Variants in MPPED2 observed in about 807,000 individuals in gnomAD.
MPPED2 encodes the protein metallophosphoesterase MPPED2.
In MPPED2, 5 loss-of-function variants were observed where a neutral mutation model predicts 33.0. That is an observed-to-expected ratio of 0.15 (90% CI 0.08 to 0.32). MPPED2 has a LOEUF of 0.32. MPPED2 is among the 10% of genes least tolerant of loss of function. The pLI is 1.00. For synonymous variants in MPPED2, 136 were observed against 141.9 expected, an observed-to-expected ratio of 0.96 and a Z score of 0.29; for missense variants, 275 against 372.1, an observed-to-expected ratio of 0.74 and a Z score of 2.15.
intron 2 of MPPED2, among the ~76,000 whole-genome samples, chr11:30,566,917 G>T (rs1956467529): frequency 6.6e-6 from 1 of 152,094 alleles, no homozygotes; most frequent in Admixed American, 6.6e-5. Context: ...AAGGACAGGG[G>T]CTCCCTAAAA....
chr11:30,413,676 A>G (rs963208624), intron 6 of MPPED2, among the ~76,000 whole-genome samples: 2 of 152,242 alleles, frequency 1.3e-5, no homozygotes, highest in African/African-American at 4.8e-5. Context: ...TTCTGAGGTT[A>G]GTAAGGAAAA....
chr11:30,577,768 C>T (rs1956992113), intron 2 of MPPED2, among the ~76,000 whole-genome samples: 1 of 152,176 alleles, frequency 6.6e-6, no homozygotes, highest in Non-Finnish European at 1.5e-5. Context: ...GTAAGCCAGC[C>T]TCCTGACAAC....
exon 7 of MPPED2, chr11:30,388,873 G>T: frequency 6.5e-7 from 1 of 1,548,116 alleles, no homozygotes; most frequent in Admixed American, 2.0e-5. Context: ...TTGTGTCTAT[G>T]CCAGTTTCCT....
intron 3 of MPPED2, among the ~76,000 whole-genome samples, chr11:30,497,654 C>T (rs1248736887): frequency 1.3e-5 from 2 of 151,634 alleles, no homozygotes; most frequent in African/African-American, 4.9e-5. Context: ...TGAGACTAGC[C>T]ACTATGGCAA....
At chr11:30,508,187 CTCTG>C (rs1952944730) in intron 3 of MPPED2, among the ~76,000 whole-genome samples, 1 of 152,174 alleles carries the variant, frequency 6.6e-6, no homozygotes, top group Non-Finnish European at 1.5e-5. Flanking sequence ...GGAGAGCATA[CTCTG>C]TCTGCTGAAC....
At chr11:30,450,331 C>G (rs1950003751) in intron 4 of MPPED2, among the ~76,000 whole-genome samples, 1 of 152,178 alleles carries the variant, frequency 6.6e-6, no homozygotes, top group Non-Finnish European at 1.5e-5. Context: ...ATAATAAAGA[C>G]AACAACTAAA....
intron 3 of MPPED2, among the ~76,000 whole-genome samples, chr11:30,516,905 C>A (rs1260233764): frequency 6.6e-6 from 1 of 152,146 alleles, no homozygotes; most frequent in East Asian, 1.9e-4. Context: ...CTCTTACATT[C>A]CCCAACAATT....
intron 4 of MPPED2, among the ~76,000 whole-genome samples, chr11:30,447,705 G>C (rs950430880): frequency 6.6e-6 from 1 of 152,128 alleles, no homozygotes; most frequent in Admixed American, 6.5e-5. Context: ...AGTTAAACAG[G>C]GGCAAGTAAG....
chr11:30,401,547 C>A (rs1343719386), intron 6 of MPPED2, among the ~76,000 whole-genome samples: 1 of 152,200 alleles, frequency 6.6e-6, no homozygotes, highest in African/African-American at 2.4e-5. Context: ...AGGGCTAAAA[C>A]CGAATATTTT....
intron 2 of MPPED2, among the ~76,000 whole-genome samples, chr11:30,567,678 T>C (rs1051835538): frequency 6.6e-6 from 1 of 152,188 alleles, no homozygotes; most frequent in African/African-American, 2.4e-5. Flanking sequence ...AAAGAAGACA[T>C]ACAAGGATAG....
At chr11:30,484,153 C>T (rs542895374) in intron 4 of MPPED2, among the ~76,000 whole-genome samples, 6 of 152,226 alleles carry the variant, frequency 3.9e-5, no homozygotes, top group Non-Finnish European at 7.4e-5. Flanking sequence ...AAACCCACCA[C>T]ACCAAGACAT....
chr11:30,561,759 G>A (rs924686462), intron 2 of MPPED2, among the ~76,000 whole-genome samples: 4 of 152,162 alleles, frequency 2.6e-5, no homozygotes, highest in African/African-American at 9.7e-5. Flanking sequence ...GCTCCTTGTG[G>A]AGCAACCTGT....
intron 5 of MPPED2, among the ~76,000 whole-genome samples, chr11:30,414,696 G>T (rs1302140364): frequency 6.6e-6 from 1 of 151,718 alleles, no homozygotes; most frequent in Non-Finnish European, 1.5e-5. Flanking sequence ...AGTTACTTTC[G>T]CTATTTTATT....
chr11:30,451,780 ATTTTC>A, intron 4 of MPPED2: 1 of 985,346 alleles, frequency 1.0e-6, no homozygotes, highest in Non-Finnish European at 1.2e-6. Context: ...GGGAGGGGAC[ATTTTC>A]AGGTGTCTGC....
intron 4 of MPPED2, among the ~76,000 whole-genome samples, chr11:30,491,188 C>T (rs185846688): frequency 6.6e-6 from 1 of 152,248 alleles, no homozygotes; most frequent in Admixed American, 6.5e-5. Flanking sequence ...TTCTCCCAAA[C>T]GTTGCTTCTT....
intron 4 of MPPED2, among the ~76,000 whole-genome samples, chr11:30,459,837 TTA>T (rs1007681339): frequency 6.6e-6 from 1 of 152,232 alleles, no homozygotes; most frequent in African/African-American, 2.4e-5. Context: ...TTGTAGTTAA[TTA>T]GCTTTGCCCA....
At chr11:30,492,709 C>G (rs1165673280) in intron 4 of MPPED2, among the ~76,000 whole-genome samples, 2 of 62,672 alleles carry the variant, frequency 3.2e-5, no homozygotes, top group Non-Finnish European at 5.2e-5. Flanking sequence ...ATTGACGTAC[C>G]TTACTAAATA....
At chr11:30,530,342 A>T (rs1046960871) in intron 3 of MPPED2, among the ~76,000 whole-genome samples, 2 of 152,212 alleles carry the variant, frequency 1.3e-5, no homozygotes, top group African/African-American at 4.8e-5. Flanking sequence ...TCACTCAATG[A>T]TTCAACAAAC....
intron 4 of MPPED2, among the ~76,000 whole-genome samples, chr11:30,474,330 C>T (rs1287775945): frequency 6.6e-6 from 1 of 152,110 alleles, no homozygotes; most frequent in Admixed American, 6.6e-5. Context: ...TAGTGAGGTT[C>T]CTCTTAGTGA....
Sources: allele counts gnomAD v4.1 joint callset (sites outside exome capture counted in the v4.1 genomes callset), GRCh38; gene constraint gnomAD v4.1.1; transcripts MANE v1.5; gene names NCBI Gene and HGNC (gene_info 2026-07-23, HGNC 2026-07-21).